ACTN1: variants seen among roughly 807,000 people sequenced by gnomAD.
ACTN1 encodes alpha-actinin-1.
Under a neutral mutation model 119.6 loss-of-function variants are expected in ACTN1, and 30 were observed. The observed-to-expected ratio is 0.25, with a 90% confidence interval of 0.19 to 0.34. ACTN1 has a LOEUF of 0.34. ACTN1 is among the 10% of genes least tolerant of loss of function. ACTN1 has a pLI of 1.00. For missense variants in ACTN1, 764 were observed against 1,223.4 expected (o/e 0.62, Z 5.60); for synonymous variants, 429 against 472.6 (o/e 0.91, Z 1.20).
At chr14:68,918,538 T>C (rs1321409352) in intron 3 of ACTN1, among the ~76,000 whole-genome samples, 1 of 149,102 alleles carries the variant, frequency 6.7e-6, no homozygotes, top group Non-Finnish European at 1.5e-5. Flanking sequence ...CGAGTCAAGA[T>C]CGCCCCTCTA....
chr14:68,940,742 G>C (rs78902314), intron 1 of ACTN1, among the ~76,000 whole-genome samples: 5,566 of 151,376 alleles, frequency 0.037, 208 homozygotes, highest in Non-Finnish European at 0.049. Flanking sequence ...AATGTGCCTT[G>C]TTGACCAGAA....
rs1393704926 is a variant in ACTN1, at chr14:68,952,247, C to T, written c.106-26575G>A. On this transcript the variant is annotated intron_variant, in intron 1 of 21. Transcript: ENST00000394419. ...CAATCCTGGGATCGCCAGAGGGAGGCCTGCTGGAGGCCAGCCCTGGGCAGC... is the reference window on the plus strand; with the variant it reads ...CAATCCTGGGATCGCCAGAGGGAGGTCTGCTGGAGGCCAGCCCTGGGCAGC... 4.6e-5 allele frequency among the ~76,000 whole-genome samples: 7 copies of T among 152,338 alleles called. No homozygotes were observed. The South Asian group carries it at 8.3e-4, about 18-fold the overall frequency.
At chr14:68,901,789 G>A (rs962243509) in intron 8 of ACTN1, among the ~76,000 whole-genome samples, 2 of 152,230 alleles carry the variant, frequency 1.3e-5, no homozygotes, top group Non-Finnish European at 2.9e-5. Flanking sequence ...GAACCTGCAC[G>A]ACTGAACTTT....
intron 1 of ACTN1, among the ~76,000 whole-genome samples, chr14:68,950,479 A>ATATATATATATAT (rs1566667536): frequency 3.2e-5 from 3 of 92,690 alleles, no homozygotes; most frequent in African/African-American, 2.4e-4. Context: ...TATATATATA[A>ATATATATATATAT]ATCAAACATA....
rs543499143 is a variant in ACTN1 at position 68,904,536 on chromosome 14, G to T, written c.676+119C>A. The T allele has an allele frequency of 9.0e-6, 7 of 777,044 alleles. No homozygotes were observed. The East Asian group carries it at 1.8e-4, about 20-fold the overall frequency. 48.1% of individuals were successfully genotyped at this position (777,044 alleles called of 1,614,324 possible). Reference sequence around the variant, plus strand: ...TGTGATCCCCATGCTCCTCAAATGCGGTCCCAGAAGACCAGGCCTCCTCCC... The same window carrying T: ...TGTGATCCCCATGCTCCTCAAATGCTGTCCCAGAAGACCAGGCCTCCTCCC... On this transcript the variant is annotated intron_variant, in intron 7 of 21. Coordinates refer to ENST00000394419, the MANE Select transcript of ACTN1 (RefSeq NM_001130004.2).
Position 68,925,454 on chromosome 14 carries a change from G to C in ACTN1, c.220+104C>G. The C allele has an allele frequency of 1.3e-6, 1 of 782,882 alleles. No homozygotes were observed. The highest frequency in any genetic ancestry group is 2.1e-5 in the South Asian group (1 of 48,204). 48.5% of individuals were successfully genotyped at this position (782,882 alleles called of 1,614,324 possible). A position where few individuals can be genotyped will look rare whatever the true frequency, so the allele number is the denominator to read the frequency against. On this transcript the variant is annotated intron_variant, in intron 2 of 21. Coordinates refer to ENST00000394419, the MANE Select transcript of ACTN1 (RefSeq NM_001130004.2). This position sits in a 1 kb window ranked among gnomAD's most constrained non-coding sequence, Gnocchi z 4.3. ...AATTCATACATGTCATCCCCAACTT[G>C]TTTCAAGAGACCAAAACCAGCTGCG...
In ACTN1 at chr14:68,909,262, T is replaced by C. The variant is rs2033847863; in HGVS notation, c.594+56A>G. The C allele has an allele frequency of 1.3e-6, 2 of 1,569,348 alleles. No homozygotes were observed. The highest frequency in any genetic ancestry group is 4.5e-5 in the East Asian group (2 of 44,596). On this transcript the variant is annotated intron_variant, in intron 6 of 21. Coordinates refer to ENST00000394419, the MANE Select transcript of ACTN1 (RefSeq NM_001130004.2). This position sits in a 1 kb window ranked among gnomAD's most constrained non-coding sequence, Gnocchi z 4.1. ...CACAACAAGGGTCCTAGTCCTGCTC[T>C]TTTCCCACCCCACCTGCCAGGGACC...
chr14:68,939,382 G>A (rs541066776), intron 1 of ACTN1, among the ~76,000 whole-genome samples: 9 of 152,166 alleles, frequency 5.9e-5, no homozygotes, highest in African/African-American at 9.7e-5. Context: ...TGGGCCTCCC[G>A]GAGCCTTGGT....
intron 21 of ACTN1, 98 bp from the exon 22 acceptor site, chr14:68,875,115 T>C (rs1277277058): frequency 5.1e-6 from 8 of 1,561,274 alleles, no homozygotes; most frequent in East Asian, 2.4e-5. Flanking sequence ...GAAGGCAGCA[T>C]GTGCCGTTTG....
intron 1 of ACTN1, among the ~76,000 whole-genome samples, chr14:68,946,013 C>T (rs887266361): frequency 6.6e-6 from 1 of 152,176 alleles, no homozygotes; most frequent in African/African-American, 2.4e-5. Context: ...AAGGTCACAG[C>T]GAACAGTAGA....
chr14:68,881,539 C>T (rs1272462413), intron 16 of ACTN1, among the ~76,000 whole-genome samples: 1 of 152,202 alleles, frequency 6.6e-6, no homozygotes, highest in Non-Finnish European at 1.5e-5. Flanking sequence ...TGTGAAAGCA[C>T]TTTCTGTCCA....
At chr14:68,900,105 G>T (rs948988522) in intron 8 of ACTN1, among the ~76,000 whole-genome samples, 2 of 152,232 alleles carry the variant, frequency 1.3e-5, no homozygotes, top group Admixed American at 6.5e-5. Context: ...GCACCAATGA[G>T]CCCTGGAAGG....
chr14:68,957,948 C>T (rs957173799), intron 1 of ACTN1, among the ~76,000 whole-genome samples: 1 of 152,156 alleles, frequency 6.6e-6, no homozygotes, highest in Non-Finnish European at 1.5e-5. Context: ...GCTCTCCAGA[C>T]AAGCCTCAGA....
At position 68,948,526 on chromosome 14, in the gene ACTN1, C is replaced by T. The variant is rs1388807875; in HGVS notation, c.106-22854G>A. On this transcript the variant is annotated intron_variant, in intron 1 of 21. Transcript: ENST00000394419. ...CCGGGAGGCAGAGGTTGCAGTGAGC[C>T]GAGATTGCACCGCTGCACTCCAGCC... Among the ~76,000 whole-genome samples, 5 of 151,942 alleles carry T rather than the reference C, an allele frequency of 3.3e-5. No individual in the cohort carries two copies. In the South Asian group the frequency reaches 6.2e-4, roughly 19 times the overall value.
At chr14:68,890,957 C>G (rs928748466) in intron 10 of ACTN1, among the ~76,000 whole-genome samples, 8 of 152,192 alleles carry the variant, frequency 5.3e-5, no homozygotes, top group African/African-American at 1.9e-4. Context: ...TACATCTGTC[C>G]CCCAGAAAGG....
intron 7 of ACTN1, among the ~76,000 whole-genome samples, chr14:68,903,429 T>C (rs1421600167): frequency 6.6e-6 from 1 of 150,834 alleles, no homozygotes; most frequent in Non-Finnish European, 1.5e-5. Flanking sequence ...CCCAGCTACT[T>C]GGGAGGCTGA....
At position 68,904,746 on chromosome 14, in the gene ACTN1, G is replaced by A; in HGVS notation, c.595-10C>T. 1 of 1,609,630 alleles carries A rather than the reference G, an allele frequency of 6.2e-7. No individual in the cohort carries two copies. The highest frequency in any genetic ancestry group is 8.5e-7 in the Non-Finnish European group (1 of 1,176,174). On this transcript the variant is annotated splice_polypyrimidine_tract_variant and intron_variant, in intron 6 of 21. Transcript: ENST00000394419. ...TTGTGAGTGGATCATCCTAGAGGGA[G>A]AAAAGGAGGAAGGGATGATAAAGTG... is the stretch of plus-strand genomic sequence containing the variant.
intron 11 of ACTN1, chr14:68,887,106 C>A: frequency 5.8e-6 from 1 of 171,680 alleles, no homozygotes; most frequent in South Asian, 1.4e-4. Context: ...TAAAGTTATT[C>A]CAGTGACTTT....
At chr14:68,908,127 GC>G (rs1402629683) in intron 6 of ACTN1, among the ~76,000 whole-genome samples, 2 of 128,056 alleles carry the variant, frequency 1.6e-5, no homozygotes, top group Non-Finnish European at 3.1e-5. Context: ...CAGCAGATGG[GC>G]CCTTCCAGTG....
Sources: allele counts gnomAD v4.1 joint callset (sites outside exome capture counted in the v4.1 genomes callset), GRCh38; gene constraint gnomAD v4.1.1; non-coding constraint Gnocchi (gnomAD v3.1); transcripts MANE v1.5; gene names NCBI Gene and HGNC (gene_info 2026-07-23, HGNC 2026-07-21).